AFF3: variants seen among roughly 807,000 people sequenced by gnomAD.
AFF3 encodes the protein AF4/FMR2 family member 3.
AFF3 carries 32 observed loss-of-function variants against 129.7 expected under a neutral mutation model. The ratio of observed to expected loss-of-function variants is 0.25; its 90% CI spans 0.19 to 0.33. The LOEUF (loss-of-function observed/expected upper bound fraction) is 0.33, where lower values mean the gene tolerates loss of function less well. Among genes scored for constraint, AFF3 ranks in the 10% least tolerant of loss-of-function variants. The probability of loss-of-function intolerance (pLI) is 1.00; values close to 1 mark genes in which losing one functional copy is unlikely to be tolerated. For missense variants in AFF3, 1,373 were observed against 1,592.0 expected (o/e 0.86, Z 2.34); for synonymous variants, 644 against 635.4 (o/e 1.01, Z -0.20).
At chr2:99,769,793 G>T (rs1278177261) in intron 8 of AFF3, among the ~76,000 whole-genome samples, 1 of 152,118 alleles carries the variant, frequency 6.6e-6, no homozygotes, top group Non-Finnish European at 1.5e-5. Flanking sequence ...AGAATTCTCT[G>T]GAATACCAGA....
chr2:99,792,628 T>C (rs1175483064), intron 8 of AFF3, among the ~76,000 whole-genome samples: 1 of 152,214 alleles, frequency 6.6e-6, no homozygotes, highest in Non-Finnish European at 1.5e-5. Flanking sequence ...TGGATACCCT[T>C]TATCAAGCTG....
At chr2:99,873,935 G>A (rs377353984) in intron 7 of AFF3, among the ~76,000 whole-genome samples, 294 of 152,212 alleles carry the variant, frequency 1.9e-3, no homozygotes, top group African/African-American at 6.5e-3. Context: ...AGTACTTTGG[G>A]AGGCCGAGGT....
In AFF3 at chr2:99,938,432, CGATGATGAT is replaced by C. The variant is rs111878756; in HGVS notation, c.873+68191_873+68199del. On this transcript the variant is annotated intron_variant, in intron 7 of 24. Transcript: ENST00000672756. ...CTCAAAATAGTACATGACACACAGT[CGATGATGAT>C]GATGATGATGATGATGATATGATGT... Among the ~76,000 whole-genome samples, 10 of 151,408 alleles carry C rather than the reference CGATGATGAT, an allele frequency of 6.6e-5. 1 individual carries two copies. The South Asian group carries it at 1.7e-3, about 25-fold the overall frequency.
intron 7 of AFF3, among the ~76,000 whole-genome samples, chr2:99,879,266 T>C (rs1411936307): frequency 1.3e-5 from 2 of 152,216 alleles, no homozygotes; most frequent in Non-Finnish European, 2.9e-5. Flanking sequence ...TTTCTTGAAA[T>C]CATTTCCTTT....
intron 7 of AFF3, among the ~76,000 whole-genome samples, chr2:99,887,118 T>C (rs1320121887): frequency 6.6e-6 from 1 of 152,232 alleles, no homozygotes; most frequent in Non-Finnish European, 1.5e-5. Flanking sequence ...GGTGTGCTGA[T>C]GGAAGACAGA....
chr2:99,882,057 CTCTCTCTCTCTCTCTCTG>C (rs1053263868), intron 7 of AFF3, among the ~76,000 whole-genome samples: 5 of 147,840 alleles, frequency 3.4e-5, no homozygotes, highest in African/African-American at 1.2e-4. Flanking sequence ...ATTTGCCTGT[CTCTCTCTCTCTCTCTCTG>C]TCTCTCTCTC....
chr2:100,053,215 T>C (rs1022533287), intron 4 of AFF3, among the ~76,000 whole-genome samples: 1 of 152,252 alleles, frequency 6.6e-6, no homozygotes, highest in Admixed American at 6.5e-5. Context: ...ACTTTATTTA[T>C]ACAACACTTG....
intron 7 of AFF3, among the ~76,000 whole-genome samples, chr2:99,905,064 C>A (rs1204519361): frequency 6.6e-6 from 1 of 152,148 alleles, no homozygotes; most frequent in Non-Finnish European, 1.5e-5. Flanking sequence ...GTCACTCCAG[C>A]TTTTCCTCCT....
At chr2:99,815,407 T>C (rs1012127617) in intron 8 of AFF3, among the ~76,000 whole-genome samples, 28 of 152,344 alleles carry the variant, frequency 1.8e-4, no homozygotes, top group African/African-American at 6.0e-4. Context: ...TATGTAATGA[T>C]TGCATTTTAA....
At chr2:100,135,604 C>A (rs1224060350) in intron 1 of AFF3, among the ~76,000 whole-genome samples, 1 of 152,210 alleles carries the variant, frequency 6.6e-6, no homozygotes, top group Non-Finnish European at 1.5e-5. Flanking sequence ...CCAGCCCAGA[C>A]AACCAAATAC....
chr2:100,046,853 G>A (rs1685875583), intron 4 of AFF3, among the ~76,000 whole-genome samples: 2 of 152,044 alleles, frequency 1.3e-5, no homozygotes, highest in South Asian at 4.1e-4. Flanking sequence ...AAAAGTGAGG[G>A]CAGGAATCCG....
chr2:99,795,009 A>G (rs1685462937), intron 8 of AFF3, among the ~76,000 whole-genome samples: 2 of 152,002 alleles, frequency 1.3e-5, no homozygotes, highest in South Asian at 2.1e-4. Context: ...CCAGCTTAAA[A>G]CCCTTCCATG....
At chr2:100,138,740 T>A (rs1274462239) in intron 1 of AFF3, among the ~76,000 whole-genome samples, 2 of 151,290 alleles carry the variant, frequency 1.3e-5, no homozygotes, top group Non-Finnish European at 2.9e-5. Flanking sequence ...AGGTCAGGAG[T>A]TCGAGACAAG....
At chr2:99,665,094 C>A (rs1686561563) in intron 12 of AFF3, among the ~76,000 whole-genome samples, 1 of 152,168 alleles carries the variant, frequency 6.6e-6, no homozygotes, top group Admixed American at 6.5e-5. Context: ...AAGGGCCGGG[C>A]CACAAATGAG....
chr2:99,969,654 TTTG>T (rs536322720), intron 7 of AFF3, among the ~76,000 whole-genome samples: 2 of 151,154 alleles, frequency 1.3e-5, no homozygotes, highest in Non-Finnish European at 3.0e-5. Flanking sequence ...CCACCCAGGT[TTTG>T]TTGTTGTTGT....
chr2:99,702,811 C>T (rs4332968), intron 11 of AFF3, among the ~76,000 whole-genome samples: 130,663 of 152,238 alleles, frequency 0.86, 56,209 homozygotes, highest in East Asian at 0.92. Flanking sequence ...CACATACAAG[C>T]CCTTTGTTGA....
rs1476925333 is a variant in AFF3, at chr2:99,811,117, T to C, written c.921+26360A>G. ...TTAGGACATGGGAGGGACGTGCTTT[T>C]CTGCCTACCACATGTGTGTCTGGCT... On this transcript the variant is annotated intron_variant, in intron 8 of 24. Transcript: ENST00000672756. Among the ~76,000 whole-genome samples, 4 of 152,256 alleles carry C rather than the reference T, an allele frequency of 2.6e-5. 1 individual carries two copies. The South Asian group carries it at 8.3e-4, about 31-fold the overall frequency.
chr2:100,026,290 T>A (rs1295379906), intron 4 of AFF3, among the ~76,000 whole-genome samples: 1 of 151,896 alleles, frequency 6.6e-6, no homozygotes, highest in African/African-American at 2.4e-5. Context: ...AACAAACATA[T>A]GAAAAAATGC....
At chr2:99,565,718 C>A in intron 19 of AFF3, 95 bp from the exon 20 acceptor site, 3 of 1,329,326 alleles carry the variant, frequency 2.3e-6, no homozygotes, top group Non-Finnish European at 3.1e-6. Flanking sequence ...AGAAACCCAA[C>A]TCTGACTTCT....
Sources: allele counts gnomAD v4.1 joint callset (sites outside exome capture counted in the v4.1 genomes callset), GRCh38; gene constraint gnomAD v4.1.1; transcripts MANE v1.5; gene names NCBI Gene and HGNC (gene_info 2026-07-23, HGNC 2026-07-21).